DCC: variants seen among roughly 807,000 people sequenced by gnomAD.
The protein encoded by DCC is netrin receptor DCC.
A neutral mutation model predicts 172.5 loss-of-function variants in DCC; 58 were observed. The observed-to-expected ratio is 0.34, with a 90% confidence interval of 0.27 to 0.42. The LOEUF (loss-of-function observed/expected upper bound fraction) is 0.42. Among genes scored for constraint, DCC ranks in the 10% least tolerant of loss-of-function variants. The pLI, the probability that DCC is intolerant of heterozygous loss-of-function variation, is 1.00. For missense variants in DCC, 1,740 were observed against 1,791.0 expected (o/e 0.97, Z 0.51); for synonymous variants, 709 against 644.5 (o/e 1.10, Z -1.52).
intron 19 of DCC, among the ~76,000 whole-genome samples, chr18:53,405,866 G>T (rs1421381824): frequency 6.6e-6 from 1 of 152,098 alleles, no homozygotes; most frequent in South Asian, 2.1e-4. Context: ...AAATAAGCAA[G>T]AAGTGGCAGA....
chr18:53,222,380 TTTC>T (rs1298576856), intron 12 of DCC, among the ~76,000 whole-genome samples: 2 of 96,532 alleles, frequency 2.1e-5, no homozygotes, highest in East Asian at 5.2e-4. Context: ...CTTTTTCTTT[TTTC>T]TTTTTTTTTT....
chr18:53,312,153 C>CAAAAAAAA (rs895203731), intron 13 of DCC, among the ~76,000 whole-genome samples: 18 of 26,684 alleles, frequency 6.7e-4, no homozygotes, highest in South Asian at 3.1e-3. Context: ...GCTAAAAATA[C>CAAAAAAAA]AAAAAAAAAA....
chr18:53,180,334 A>G (rs2055175562), intron 9 of DCC, among the ~76,000 whole-genome samples: 1 of 152,226 alleles, frequency 6.6e-6, no homozygotes, highest in African/African-American at 2.4e-5. Flanking sequence ...CACAGAAATA[A>G]AAACCTCAAC....
At chr18:52,360,348 A>C (rs1241629192) in intron 1 of DCC, among the ~76,000 whole-genome samples, 1 of 152,230 alleles carries the variant, frequency 6.6e-6, no homozygotes, top group Non-Finnish European at 1.5e-5. Flanking sequence ...AACATTCCAA[A>C]TACAGCTTTA....
chr18:52,437,021 T>C (rs2144486191), intron 1 of DCC, among the ~76,000 whole-genome samples: 1 of 152,358 alleles, frequency 6.6e-6, no homozygotes, highest in Middle Eastern at 3.4e-3. Context: ...GTGAAGAAGT[T>C]TGCCTAGTGT....
chr18:52,552,478 C>T (rs1405065866), intron 1 of DCC, among the ~76,000 whole-genome samples: 2 of 151,868 alleles, frequency 1.3e-5, no homozygotes, highest in African/African-American at 4.8e-5. Context: ...CAATAAAGAA[C>T]AGAATTTTTT....
chr18:52,497,279 AAATATATATATAT>A (rs2030810134), intron 1 of DCC, among the ~76,000 whole-genome samples: 2 of 38,152 alleles, frequency 5.2e-5, no homozygotes, highest in African/African-American at 2.0e-4. Context: ...AAAAAAAAAA[AAATATATATATAT>A]ATATATATAT....
chr18:52,675,676 T>G (rs188898043), intron 1 of DCC, among the ~76,000 whole-genome samples: 1 of 152,278 alleles, frequency 6.6e-6, no homozygotes, highest in African/African-American at 2.4e-5. Flanking sequence ...AAAGAAAGAT[T>G]GTTTTTGTAC....
chr18:52,778,527 TACTC>T (rs757839040), intron 2 of DCC, among the ~76,000 whole-genome samples: 5 of 152,190 alleles, frequency 3.3e-5, no homozygotes, highest in Admixed American at 6.5e-5. Flanking sequence ...TTTAAAATCA[TACTC>T]AATAGACCCT....
chr18:53,172,259 G>C (rs751302380), intron 8 of DCC, among the ~76,000 whole-genome samples: 2 of 152,022 alleles, frequency 1.3e-5, no homozygotes, highest in Non-Finnish European at 2.9e-5. Flanking sequence ...TTATAAGTAA[G>C]AGCTTAACAC....
chr18:53,482,497 G>T (rs1478768122), intron 25 of DCC, among the ~76,000 whole-genome samples: 1 of 152,042 alleles, frequency 6.6e-6, no homozygotes, highest in South Asian at 2.1e-4. Context: ...CTAACTAAAA[G>T]ATTATATGGC....
intron 3 of DCC, among the ~76,000 whole-genome samples, chr18:52,913,638 C>T (rs1006397865): frequency 1.3e-5 from 2 of 152,042 alleles, no homozygotes; most frequent in Non-Finnish European, 2.9e-5. Context: ...TTGTCCTCCA[C>T]GTAAAGGAAT....
At position 53,353,891 on chromosome 18, in the gene DCC, G is replaced by A. The variant is rs560275851; in HGVS notation, c.2359+13984G>A. 5.3e-5 allele frequency among the ~76,000 whole-genome samples: 8 copies of A among 152,000 alleles called. No individual in the cohort carries two copies. In the South Asian group the frequency reaches 6.2e-4, roughly 12 times the overall value. On this transcript the variant is annotated intron_variant, in intron 15 of 28. Coordinates refer to ENST00000442544, the MANE Select transcript of DCC (RefSeq NM_005215.4). ...CCCATTAACTTGTCATTTACATTAC[G>A]TATCTCTCCTAATGCTATCCCTCCC...
At chr18:53,431,004 C>T (rs548357896) in intron 21 of DCC, among the ~76,000 whole-genome samples, 26 of 152,020 alleles carry the variant, frequency 1.7e-4, no homozygotes, top group Non-Finnish European at 2.9e-4. Flanking sequence ...ACCCCTTAAA[C>T]GACTTTATGA....
intron 2 of DCC, among the ~76,000 whole-genome samples, chr18:52,864,469 C>G (rs966241477): frequency 6.6e-6 from 1 of 152,076 alleles, no homozygotes; most frequent in Non-Finnish European, 1.5e-5. Context: ...GGAGACCAAT[C>G]TAGTTTGATA....
At chr18:53,448,054 T>TTTTTTTG (rs1912734511) in intron 22 of DCC, among the ~76,000 whole-genome samples, 1 of 149,664 alleles carries the variant, frequency 6.7e-6, no homozygotes, top group African/African-American at 2.5e-5. Context: ...TGAGTTTTTT[T>TTTTTTTG]TTTTTTTTTT....
intron 2 of DCC, among the ~76,000 whole-genome samples, chr18:52,811,066 T>A (rs750916061): frequency 2.6e-5 from 4 of 152,112 alleles, no homozygotes; most frequent in Non-Finnish European, 5.9e-5. Context: ...TTTTAAAATG[T>A]GGGAAATTGA....
At chr18:53,018,608 T>C (rs2041839822) in intron 5 of DCC, among the ~76,000 whole-genome samples, 1 of 152,188 alleles carries the variant, frequency 6.6e-6, no homozygotes, top group Non-Finnish European at 1.5e-5. Flanking sequence ...TCATTTTGTT[T>C]TCTGAAATTA....
At chr18:52,867,416 C>A (rs760710279) in intron 2 of DCC, among the ~76,000 whole-genome samples, 1 of 152,098 alleles carries the variant, frequency 6.6e-6, no homozygotes, top group Non-Finnish European at 1.5e-5. Context: ...GGAAGATTCC[C>A]TCTTTTTCAA....
Sources: allele counts gnomAD v4.1 joint callset (sites outside exome capture counted in the v4.1 genomes callset), GRCh38; gene constraint gnomAD v4.1.1; transcripts MANE v1.5; gene names NCBI Gene and HGNC (gene_info 2026-07-23, HGNC 2026-07-21).